MARCHF4: variants seen among roughly 807,000 people sequenced by gnomAD.
The protein encoded by MARCHF4 is membrane associated ring-CH-type finger 4.
A neutral mutation model predicts 43.9 loss-of-function variants in MARCHF4; 14 were observed. That is an observed-to-expected ratio of 0.32 (90% CI 0.21 to 0.50). The LOEUF (loss-of-function observed/expected upper bound fraction) is 0.50. Among genes scored for constraint, MARCHF4 ranks in the 20% least tolerant of loss-of-function variants. The pLI, the probability that MARCHF4 is intolerant of heterozygous loss-of-function variation, is 0.98. For missense variants in MARCHF4, 468 were observed against 536.7 expected, an observed-to-expected ratio of 0.87 and a Z score of 1.27; for synonymous variants, 226 against 213.3, an observed-to-expected ratio of 1.06 and a Z score of -0.52.
chr2:216,319,787 G>A (rs182412551), intron 1 of MARCHF4, among the ~76,000 whole-genome samples: 21 of 152,204 alleles, frequency 1.4e-4, no homozygotes, highest in South Asian at 2.1e-4. Flanking sequence ...TCCCCAGCCC[G>A]TCACTCAAAC....
intron 1 of MARCHF4, among the ~76,000 whole-genome samples, chr2:216,339,222 G>C (rs1280517266): frequency 6.6e-6 from 1 of 152,156 alleles, no homozygotes; most frequent in African/African-American, 2.4e-5. Flanking sequence ...TGTCATTCTA[G>C]GCATCTATGG....
At chr2:216,271,227 G>C (rs989074442) in intron 3 of MARCHF4, among the ~76,000 whole-genome samples, 1 of 152,082 alleles carries the variant, frequency 6.6e-6, no homozygotes, top group African/African-American at 2.4e-5. Flanking sequence ...TATTTGCATT[G>C]AGCCATACAG....
chr2:216,313,851 A>G (rs1325282320), intron 1 of MARCHF4, among the ~76,000 whole-genome samples: 1 of 152,208 alleles, frequency 6.6e-6, no homozygotes, highest in African/African-American at 2.4e-5. Context: ...AAATACCATT[A>G]ATTAAGGATC....
chr2:216,258,696 T>G lies in MARCHF4; in HGVS notation c.*616A>C, dbSNP rs1306386958. 6.5e-6 allele frequency: 1 copy of G among 152,722 alleles called. No homozygotes were observed. The highest frequency in any genetic ancestry group is 1.5e-5 in the Non-Finnish European group (1 of 68,092). The allele number at this position is 152,722 out of a possible 1,614,324, so 9.5% of individuals were successfully genotyped here. A position where few individuals can be genotyped will look rare whatever the true frequency, so the allele number is the denominator to read the frequency against. On this transcript the variant is annotated 3_prime_UTR_variant, in exon 4 of 4. Coordinates refer to ENST00000273067, the MANE Select transcript of MARCHF4 (RefSeq NM_020814.3). ...TCAGGAAGGAGACACACTCTCCCTC[T>G]GGCTGCTCACACCAGCATATCCCTC...
At chr2:216,284,391 C>T (rs542711638) in intron 1 of MARCHF4, among the ~76,000 whole-genome samples, 23 of 152,274 alleles carry the variant, frequency 1.5e-4, no homozygotes, top group South Asian at 1.2e-3. Flanking sequence ...TTTGAGTGGA[C>T]GGCAGCATTG....
Position 216,259,224 on chromosome 2 carries a change from T to G in MARCHF4, c.*88A>C. On this transcript the variant is annotated 3_prime_UTR_variant, in exon 4 of 4. Coordinates refer to ENST00000273067, the MANE Select transcript of MARCHF4 (RefSeq NM_020814.3). ...GGTCCCCCACCCTCTGCCTGCTCCCTCTGTTGGCTCTGGGGGTGCCACTGC... is the reference window on the plus strand; with the variant it reads ...GGTCCCCCACCCTCTGCCTGCTCCCGCTGTTGGCTCTGGGGGTGCCACTGC... 1 of 1,486,746 alleles carries G rather than the reference T, an allele frequency of 6.7e-7. No individual in the cohort carries two copies. Among genetic ancestry groups the G allele is most frequent in the Non-Finnish European group, 8.9e-7 (1 of 1,122,490 alleles). 92.1% of individuals were successfully genotyped at this position (1,486,746 alleles called of 1,614,324 possible).
chr2:216,260,150 T>C (rs553542683), intron 3 of MARCHF4, among the ~76,000 whole-genome samples: 2 of 152,240 alleles, frequency 1.3e-5, no homozygotes, highest in South Asian at 4.1e-4. Context: ...ACCCCAGTAC[T>C]ACTGAGATAC....
chr2:216,292,317 A>G (rs1471508569), intron 1 of MARCHF4, among the ~76,000 whole-genome samples: 1 of 152,244 alleles, frequency 6.6e-6, no homozygotes, highest in Non-Finnish European at 1.5e-5. Context: ...TGGAGTCCAC[A>G]TTAGCAGGAA....
chr2:216,339,889 C>A (rs577876486), intron 1 of MARCHF4, among the ~76,000 whole-genome samples: 1 of 152,152 alleles, frequency 6.6e-6, no homozygotes, highest in Admixed American at 6.5e-5. Context: ...GACTTAAGCA[C>A]TTAATTTCCA....
At chr2:216,273,072 G>A (rs549274194) in intron 3 of MARCHF4, among the ~76,000 whole-genome samples, 1 of 152,352 alleles carries the variant, frequency 6.6e-6, no homozygotes, top group Admixed American at 6.5e-5. Flanking sequence ...CAAGCAGGCA[G>A]TGTCCTGCAC....
At chr2:216,343,485 A>G (rs1692264704) in intron 1 of MARCHF4, among the ~76,000 whole-genome samples, 1 of 152,150 alleles carries the variant, frequency 6.6e-6, no homozygotes, top group African/African-American at 2.4e-5. Flanking sequence ...ACCCTTCCTA[A>G]TACCATCACA....
intron 1 of MARCHF4, among the ~76,000 whole-genome samples, chr2:216,321,959 A>G (rs1006720754): frequency 2.0e-5 from 3 of 152,314 alleles, no homozygotes; most frequent in South Asian, 2.1e-4. Flanking sequence ...CTCTTCTCCA[A>G]TGAACAACCT....
At chr2:216,350,400 A>ACCCCTCACCATGCCACAC (rs1692386710) in intron 1 of MARCHF4, among the ~76,000 whole-genome samples, 1 of 95,690 alleles carries the variant, frequency 1.0e-5, no homozygotes, top group Non-Finnish European at 2.2e-5. Context: ...CCATGCCACA[A>ACCCCTCACCATGCCACAC]CCCCTCACCA....
intron 3 of MARCHF4, among the ~76,000 whole-genome samples, chr2:216,268,082 G>A (rs952753231): frequency 6.6e-6 from 1 of 152,224 alleles, no homozygotes; most frequent in East Asian, 1.9e-4. Flanking sequence ...TACAGCTGCT[G>A]CTTCTCATGT....
intron 1 of MARCHF4, among the ~76,000 whole-genome samples, chr2:216,340,299 A>C (rs7566080): frequency 0.019 from 2,962 of 152,078 alleles, 101 homozygotes; most frequent in African/African-American, 0.068. Context: ...TCCCCATCTG[A>C]GTGTTGTTTG....
chr2:216,319,902 C>G (rs1447443915), intron 1 of MARCHF4, among the ~76,000 whole-genome samples: 1 of 152,204 alleles, frequency 6.6e-6, no homozygotes, highest in Admixed American at 6.5e-5. Context: ...ACAAACAGCA[C>G]TTGCCATTGT....
intron 1 of MARCHF4, among the ~76,000 whole-genome samples, chr2:216,292,774 C>T (rs759319566): frequency 6.6e-6 from 1 of 152,062 alleles, no homozygotes; most frequent in Non-Finnish European, 1.5e-5. Context: ...ACCAATGGGG[C>T]CAGCGAATAG....
Position 216,364,276 on chromosome 2 carries a change from T to A in MARCHF4, c.516+5469A>T, listed in dbSNP as rs534712384. ...TGCCCACTAGATGAGCTCCAGAGGTTGTCCTTTCAAGAAATACTCATAGAG... is the reference window on the plus strand; with the variant it reads ...TGCCCACTAGATGAGCTCCAGAGGTAGTCCTTTCAAGAAATACTCATAGAG... On this transcript the variant is annotated intron_variant, in intron 1 of 3. Transcript: ENST00000273067. Among the ~76,000 whole-genome samples the A allele has an allele frequency of 1.7e-3, 265 of 151,472 alleles. 1 individual carries two copies. Among genetic ancestry groups the A allele is most frequent in the Non-Finnish European group, 3.1e-3 (213 of 67,892 alleles).
At chr2:216,277,467 G>T (rs1330405699) in intron 3 of MARCHF4, among the ~76,000 whole-genome samples, 1 of 152,164 alleles carries the variant, frequency 6.6e-6, no homozygotes, top group Admixed American at 6.5e-5. Flanking sequence ...GTTTGGGAAA[G>T]ATCTAGATCT....
Sources: allele counts gnomAD v4.1 joint callset (sites outside exome capture counted in the v4.1 genomes callset), GRCh38; gene constraint gnomAD v4.1.1; transcripts MANE v1.5; gene names NCBI Gene and HGNC (gene_info 2026-07-23, HGNC 2026-07-21).